CENPP: variants seen among roughly 807,000 people sequenced by gnomAD.
CENPP encodes the protein centromere protein P.
CENPP carries 24 observed loss-of-function variants against 35.6 expected under a neutral mutation model. The ratio of observed to expected loss-of-function variants is 0.67; its 90% CI spans 0.49 to 0.95. The LOEUF is 0.95. Ranked by LOEUF, CENPP falls within the 40% of genes least tolerant of loss-of-function variation. The pLI, the probability that CENPP is intolerant of heterozygous loss-of-function variation, is 0.00. For missense variants in CENPP, 332 were observed against 345.3 expected, an observed-to-expected ratio of 0.96 and a Z score of 0.31; for synonymous variants, 120 against 125.5, an observed-to-expected ratio of 0.96 and a Z score of 0.29.
chr9:92,494,013 T>C, intron 5 of CENPP: 1 of 1,515,190 alleles, frequency 6.6e-7, no homozygotes, highest in African/African-American at 1.4e-5. Context: ...CTCGTCGCAT[T>C]GTCACCCATT....
At chr9:92,478,269 C>T (rs1237148282) in intron 5 of CENPP, among the ~76,000 whole-genome samples, 7 of 152,210 alleles carry the variant, frequency 4.6e-5, no homozygotes, top group African/African-American at 1.4e-4. Context: ...GTTTCTCATA[C>T]ACACTATTCT....
At chr9:92,334,198 G>A (rs1840847867) in intron 2 of CENPP, among the ~76,000 whole-genome samples, 1 of 145,202 alleles carries the variant, frequency 6.9e-6, no homozygotes, top group Non-Finnish European at 1.5e-5. Flanking sequence ...TCAGCTTACT[G>A]CAGCCTCTGC....
intron 5 of CENPP, among the ~76,000 whole-genome samples, chr9:92,609,419 A>G (rs1851173828): frequency 6.6e-6 from 1 of 152,234 alleles, no homozygotes; most frequent in Non-Finnish European, 1.5e-5. Flanking sequence ...CTGCAGTTCC[A>G]GCCTGCTCCC....
chr9:92,353,527 T>C (rs906703700), intron 4 of CENPP, among the ~76,000 whole-genome samples: 1 of 152,186 alleles, frequency 6.6e-6, no homozygotes, highest in Non-Finnish European at 1.5e-5. Context: ...CTTACCTCCA[T>C]TGTGAAGTAG....
chr9:92,393,758 C>A (rs1267333894), intron 5 of CENPP, among the ~76,000 whole-genome samples: 2 of 151,966 alleles, frequency 1.3e-5, no homozygotes, highest in African/African-American at 2.4e-5. Flanking sequence ...GTTTTTTATA[C>A]CTTTTCCTGT....
intron 6 of CENPP, 84 bp downstream of exon 6, chr9:92,611,477 G>T: frequency 9.5e-7 from 1 of 1,054,662 alleles, no homozygotes; most frequent in Non-Finnish European, 1.4e-6. Flanking sequence ...AGGATTCTAA[G>T]TAGTAAACTA....
intron 5 of CENPP, among the ~76,000 whole-genome samples, chr9:92,570,525 T>G (rs569653392): frequency 1.3e-5 from 2 of 152,314 alleles, no homozygotes; most frequent in East Asian, 3.9e-4. Context: ...TCAGGGATAT[T>G]GGTCTAAAAT....
At position 92,613,636 on chromosome 9, in the gene CENPP, G is replaced by A. The variant is rs879361271; in HGVS notation, c.*487G>A. ...CTCACTCCCTGCCTCCCCCCGGTCC[G>A]CATGGTGGCACCGTGAGGCAGTCTC... On this transcript the variant is annotated 3_prime_UTR_variant, in exon 8 of 8. Transcript: ENST00000375587. 17 of 160,952 alleles carry A rather than the reference G, an allele frequency of 1.1e-4. No individual in the cohort carries two copies. In the East Asian group the frequency reaches 1.6e-3, roughly 15 times the overall value. The allele number at this position is 160,952 out of a possible 1,614,324, so 10.0% of individuals were successfully genotyped here. A position where few individuals can be genotyped will look rare whatever the true frequency, so the allele number is the denominator to read the frequency against.
intron 5 of CENPP, among the ~76,000 whole-genome samples, chr9:92,534,842 A>C (rs1208615939): frequency 6.6e-6 from 1 of 152,148 alleles, no homozygotes; most frequent in East Asian, 1.9e-4. Context: ...TATACATTGA[A>C]ATTTTCTTGC....
chr9:92,581,396 T>G (rs1850421503), intron 5 of CENPP, among the ~76,000 whole-genome samples: 1 of 152,040 alleles, frequency 6.6e-6, no homozygotes, highest in South Asian at 2.1e-4. Context: ...TATATATATA[T>G]AAAGAAACTC....
chr9:92,406,601 A>G (rs1843315809), intron 5 of CENPP, among the ~76,000 whole-genome samples: 1 of 152,130 alleles, frequency 6.6e-6, no homozygotes, highest in Non-Finnish European at 1.5e-5. Flanking sequence ...TCTTTGCTTG[A>G]TGGTCTGCTT....
chr9:92,615,696 C>A lies in CENPP; in HGVS notation c.*2547C>A. 1.5e-6 allele frequency: 1 copy of A among 652,174 alleles called. No homozygotes were observed. The allele number at this position is 652,174 out of a possible 1,614,324, so 40.4% of individuals were successfully genotyped here. ...CTAGTGCTCTTCAATTCCATGTCTC[C>A]AAGAGGCAATCCCACCTCAAAAGGG... On this transcript the variant is annotated 3_prime_UTR_variant, in exon 8 of 8. Transcript: ENST00000375587.
chr9:92,334,601 C>T (rs1275641245), intron 2 of CENPP, among the ~76,000 whole-genome samples: 1 of 152,068 alleles, frequency 6.6e-6, no homozygotes, highest in Non-Finnish European at 1.5e-5. Flanking sequence ...AAAATCAGGC[C>T]AGGTGCAGTG....
chr9:92,483,682 T>A (rs1460747228), intron 5 of CENPP, among the ~76,000 whole-genome samples: 1 of 152,212 alleles, frequency 6.6e-6, no homozygotes, highest in Admixed American at 6.5e-5. Flanking sequence ...AGTCTGACCA[T>A]CGTTTGTTCC....
At chr9:92,378,016 C>T (rs1485372632) in intron 4 of CENPP, among the ~76,000 whole-genome samples, 1 of 152,180 alleles carries the variant, frequency 6.6e-6, no homozygotes, top group Non-Finnish European at 1.5e-5. Context: ...GTTAACAGAG[C>T]AACCCACTGT....
chr9:92,515,864 T>A (rs1847670353), intron 5 of CENPP, among the ~76,000 whole-genome samples: 1 of 152,188 alleles, frequency 6.6e-6, no homozygotes, highest in South Asian at 2.1e-4. Context: ...GTGATGTTGC[T>A]TTAACTTAGA....
intron 5 of CENPP, chr9:92,514,958 C>G: frequency 6.2e-7 from 1 of 1,614,100 alleles, no homozygotes; most frequent in Non-Finnish European, 8.5e-7. Context: ...CTGCTGTCCC[C>G]CTCACTGTAA....
At chr9:92,523,079 CTT>C (rs80216324) in intron 5 of CENPP, among the ~76,000 whole-genome samples, 2 of 144,456 alleles carry the variant, frequency 1.4e-5, no homozygotes, top group African/African-American at 2.5e-5. Flanking sequence ...AATCAAAAAA[CTT>C]TTTTTTTTTT....
intron 5 of CENPP, among the ~76,000 whole-genome samples, chr9:92,413,089 AT>A (rs1843491741): frequency 6.9e-6 from 1 of 145,776 alleles, no homozygotes; most frequent in Non-Finnish European, 1.5e-5. Flanking sequence ...GGTTTAGGCA[AT>A]TCTCCTGCCT....
Sources: gnomAD v4.1 joint callset for allele counts (sites outside exome capture counted in the v4.1 genomes callset) on GRCh38, gnomAD v4.1.1 for gene constraint, MANE v1.5 for transcripts, NCBI Gene and HGNC (gene_info 2026-07-23, HGNC 2026-07-21) for gene names.